WDR4: variants seen among roughly 807,000 people sequenced by gnomAD.
The protein encoded by WDR4 is tRNA (guanine-N(7)-)-methyltransferase non-catalytic subunit WDR4.
Under a neutral mutation model 48.6 loss-of-function variants are expected in WDR4, and 47 were observed. The ratio of observed to expected loss-of-function variants is 0.97; its 90% CI spans 0.77 to 1.23. The LOEUF is 1.23. Ranked by LOEUF, WDR4 falls within the 50% of genes most tolerant of loss-of-function variation. The pLI is 0.00. For missense variants in WDR4, 606 were observed against 551.6 expected, an observed-to-expected ratio of 1.10 and a Z score of -0.99; for synonymous variants, 268 against 230.0, an observed-to-expected ratio of 1.17 and a Z score of -1.49.
In WDR4 at chr21:42,849,975, C is replaced by T. The variant is rs2057776362; in HGVS notation, c.*74G>A. On this transcript the variant is annotated 3_prime_UTR_variant, in exon 11 of 11. Transcript: ENST00000398208. ...TGTCACCTTTTCCTTCTTGAAGGGA[C>T]ATGCCAGGATGCAGGGGAACAAGTT... 1.3e-6 allele frequency: 2 copies of T among 1,573,108 alleles called. No individual in the cohort carries two copies. The highest frequency in any genetic ancestry group is 2.7e-5 in the African/African-American group (2 of 72,968).
upstream of WDR4, among the ~76,000 whole-genome samples, chr21:42,884,197 G>C (rs1343762960): frequency 6.6e-6 from 1 of 152,170 alleles, no homozygotes; most frequent in Non-Finnish European, 1.5e-5. Context: ...AGGCAGTTTG[G>C]GATTTCCCAC....
At chr21:42,854,498 C>A in intron 8 of WDR4, 64 bp downstream of exon 8, 1 of 1,546,572 alleles carries the variant, frequency 6.5e-7, no homozygotes. Flanking sequence ...AGTGGCCAAC[C>A]CGCTAACTCT....
intron 2 of WDR4, among the ~76,000 whole-genome samples, chr21:42,874,980 A>T (rs1292375336): frequency 6.6e-6 from 1 of 152,176 alleles, no homozygotes; most frequent in Non-Finnish European, 1.5e-5. Context: ...TTTACGGCTC[A>T]GGAGGCATCA....
chr21:42,871,990 CTT>C (rs35981241), intron 3 of WDR4, among the ~76,000 whole-genome samples: 5 of 149,140 alleles, frequency 3.4e-5, no homozygotes, highest in African/African-American at 9.8e-5. Flanking sequence ...TAGAATTTGG[CTT>C]TTTTTTTTTG....
chr21:42,890,556 A>C, the WDR4 span, among the ~76,000 whole-genome samples: 1 of 152,118 alleles, frequency 6.6e-6, no homozygotes, highest in Non-Finnish European at 1.5e-5. Context: ...AGTTTAACTG[A>C]CCCTTGGGAG....
the WDR4 span, among the ~76,000 whole-genome samples, chr21:42,889,474 G>C: frequency 6.6e-6 from 1 of 152,118 alleles, no homozygotes; most frequent in Non-Finnish European, 1.5e-5. Context: ...GCCCTGCAAG[G>C]GTGGCAACTT....
chr21:42,871,589 A>T (rs568800956), intron 3 of WDR4, among the ~76,000 whole-genome samples: 1 of 152,362 alleles, frequency 6.6e-6, no homozygotes, highest in Admixed American at 6.5e-5. Context: ...GATAAAGATG[A>T]CGCGATCCAC....
At chr21:42,858,643 C>T (rs375680849) in intron 6 of WDR4, among the ~76,000 whole-genome samples, 9 of 152,228 alleles carry the variant, frequency 5.9e-5, no homozygotes, top group African/African-American at 2.2e-4. Flanking sequence ...CTTCTCTGCC[C>T]GTGGAAGATT....
intron 3 of WDR4, among the ~76,000 whole-genome samples, chr21:42,865,398 A>G (rs974685903): frequency 6.6e-6 from 1 of 152,098 alleles, no homozygotes; most frequent in Non-Finnish European, 1.5e-5. Context: ...GCCCAAGAGG[A>G]TGCCACAGGG....
intron 6 of WDR4, among the ~76,000 whole-genome samples, chr21:42,857,742 C>G (rs1440619803): frequency 6.6e-6 from 1 of 152,130 alleles, no homozygotes; most frequent in Non-Finnish European, 1.5e-5. Context: ...GAGGCAATCT[C>G]CCAAGAAGTA....
At chr21:42,847,565 G>T (rs1176017213), downstream of WDR4, among the ~76,000 whole-genome samples, 2 of 152,186 alleles carry the variant, frequency 1.3e-5, no homozygotes, top group African/African-American at 4.8e-5. Flanking sequence ...GAGAGACGCG[G>T]CCCCGTGAGG....
chr21:42,873,782 A>G, intron 2 of WDR4, 91 bp from the exon 3 acceptor site: 1 of 1,492,686 alleles, frequency 6.7e-7, no homozygotes, highest in Middle Eastern at 1.8e-4. Flanking sequence ...CTAACATGGG[A>G]GGAGGTAGAA....
At chr21:42,866,905 T>C (rs2058259666) in intron 3 of WDR4, among the ~76,000 whole-genome samples, 1 of 152,148 alleles carries the variant, frequency 6.6e-6, no homozygotes, top group Non-Finnish European at 1.5e-5. Context: ...CCCACTGTCC[T>C]GCAGTTCAAC....
At position 42,849,759 on chromosome 21, in the gene WDR4, C is replaced by CCGCCACCA; in HGVS notation, c.*282_*289dup. On this transcript the variant is annotated 3_prime_UTR_variant, in exon 11 of 11. Transcript: ENST00000398208. ...AGAACAGGAGAAACACAGACAGCTGCCGCCACCACCGGCTCACACGCAGCC... is the reference window on the plus strand; with the variant it reads ...AGAACAGGAGAAACACAGACAGCTGCCGCCACCACGCCACCACCGGCTCACACGCAGCC... The CCGCCACCA allele has an allele frequency of 2.9e-6, 1 of 347,136 alleles. No homozygotes were observed. Among genetic ancestry groups the CCGCCACCA allele is most frequent in the South Asian group, 4.5e-5 (1 of 22,078 alleles). 21.5% of individuals were successfully genotyped at this position (347,136 alleles called of 1,614,324 possible).
At chr21:42,881,956 C>T (rs1474275933), upstream of WDR4, among the ~76,000 whole-genome samples, 5 of 152,110 alleles carry the variant, frequency 3.3e-5, no homozygotes, top group East Asian at 1.9e-4. Flanking sequence ...CATGTGCCAC[C>T]GTGCCCAGCT....
At chr21:42,883,789 C>T (rs930699555), upstream of WDR4, 1 of 153,446 alleles carries the variant, frequency 6.5e-6, no homozygotes, top group Non-Finnish European at 1.5e-5. Flanking sequence ...TTCTGGCCTC[C>T]AGAACTGTGA....
intron 3 of WDR4, among the ~76,000 whole-genome samples, chr21:42,864,576 C>G (rs987944932): frequency 1.3e-5 from 2 of 152,148 alleles, no homozygotes; most frequent in African/African-American, 4.8e-5. Context: ...GAGAGGCCTG[C>G]GCTCCCCCCA....
In WDR4 at chr21:42,864,063, C is replaced by T. The variant is rs1301522036; in HGVS notation, c.297-467G>A. 1.5e-4 allele frequency among the ~76,000 whole-genome samples: 12 copies of T among 79,582 alleles called. 2 individuals carry two copies. Among genetic ancestry groups the T allele is most frequent in the African/African-American group, 8.4e-4 (10 of 11,920 alleles). 52.2% of individuals were successfully genotyped at this position (79,582 alleles called of 152,430 possible). ...CGGAGCTTGCAGTGAGCCGAGATCC[C>T]GCCACCGCACTCCAGCCTGGGGCGA... On this transcript the variant is annotated intron_variant, in intron 3 of 10. Transcript: ENST00000398208.
intron 6 of WDR4, among the ~76,000 whole-genome samples, chr21:42,857,862 G>A (rs1012401779): frequency 5.9e-5 from 9 of 152,138 alleles, no homozygotes; most frequent in South Asian, 2.1e-4. Context: ...GGGCGGAAGT[G>A]GGTGGATCGC....
Sources: allele counts gnomAD v4.1 joint callset (sites outside exome capture counted in the v4.1 genomes callset), GRCh38; gene constraint gnomAD v4.1.1; transcripts MANE v1.5; gene names NCBI Gene and HGNC (gene_info 2026-07-23, HGNC 2026-07-21).